Variants in MSRB3 observed in about 807,000 individuals in gnomAD.
The protein encoded by MSRB3 is methionine sulfoxide reductase B3, also known as methionine-R-sulfoxide reductase B3.
A neutral mutation model predicts 21.0 loss-of-function variants in MSRB3; 13 were observed. The ratio of observed to expected loss-of-function variants is 0.62; its 90% CI spans 0.40 to 0.98. The LOEUF (loss-of-function observed/expected upper bound fraction) is 0.98. MSRB3 is among the 50% of genes least tolerant of loss of function. The pLI is 0.00. For synonymous variants in MSRB3, 87 were observed against 88.6 expected, an observed-to-expected ratio of 0.98 and a Z score of 0.10; for missense variants, 199 against 230.3, an observed-to-expected ratio of 0.86 and a Z score of 0.88.
chr12:65,385,934 ATT>A (rs200791195), intron 5 of MSRB3, among the ~76,000 whole-genome samples: 1 of 151,618 alleles, frequency 6.6e-6, no homozygotes, highest in Admixed American at 6.6e-5. Flanking sequence ...TTGACCTTGT[ATT>A]TTTTCTGTAA....
chr12:65,369,346 G>A (rs1878193160), intron 5 of MSRB3, among the ~76,000 whole-genome samples: 1 of 152,132 alleles, frequency 6.6e-6, no homozygotes, highest in African/African-American at 2.4e-5. Context: ...AGCATCCTGA[G>A]TGATTTGAAA....
chr12:65,447,306 G>A (rs2136691384), intron 5 of MSRB3, among the ~76,000 whole-genome samples: 1 of 152,256 alleles, frequency 6.6e-6, no homozygotes, highest in South Asian at 2.1e-4. Flanking sequence ...CCCAAAGACA[G>A]ATGAAGGAAA....
chr12:65,363,693 T>C (rs1877838810), intron 4 of MSRB3, among the ~76,000 whole-genome samples: 1 of 151,784 alleles, frequency 6.6e-6, no homozygotes, highest in South Asian at 2.1e-4. Context: ...TAAAAAAAAA[T>C]AACAGCTTGG....
chr12:65,419,345 C>T (rs1464985735), intron 5 of MSRB3: 1 of 757,862 alleles, frequency 1.3e-6, no homozygotes, highest in South Asian at 1.4e-5. Context: ...ACAATCTGGG[C>T]TTGTAGGCCT....
chr12:65,391,880 A>G (rs1053867528), intron 5 of MSRB3, among the ~76,000 whole-genome samples: 21 of 152,158 alleles, frequency 1.4e-4, no homozygotes, highest in African/African-American at 4.8e-4. Flanking sequence ...AAAATGGGAG[A>G]GTGTCCCAGG....
intron 1 of MSRB3, 140 bp downstream of exon 1, chr12:65,279,005 C>T (rs893209835): frequency 3.3e-4 from 492 of 1,469,586 alleles, no homozygotes; most frequent in Admixed American, 4.8e-4. Flanking sequence ...ACAGCCCCTG[C>T]CTCAGCCGAG....
chr12:65,389,254 C>G (rs1879346221), intron 5 of MSRB3, among the ~76,000 whole-genome samples: 1 of 152,168 alleles, frequency 6.6e-6, no homozygotes, highest in Non-Finnish European at 1.5e-5. Context: ...CTACTGTGCT[C>G]TTTGGAGCTG....
chr12:65,445,379 G>A (rs75880020), intron 5 of MSRB3, among the ~76,000 whole-genome samples: 1 of 149,590 alleles, frequency 6.7e-6, no homozygotes, highest in Non-Finnish European at 1.5e-5. Flanking sequence ...ATGTTACTAG[G>A]CTGCTTAAAA....
chr12:65,361,273 G>C (rs1312781453), intron 4 of MSRB3, among the ~76,000 whole-genome samples: 1 of 151,998 alleles, frequency 6.6e-6, no homozygotes, highest in Admixed American at 6.6e-5. Flanking sequence ...GTTTTTAAAG[G>C]TGAATATGTT....
In MSRB3 at chr12:65,395,838, A is replaced by T. The variant is rs1436115179; in HGVS notation, c.292+26812A>T. ...CTCTTATCCTGTTAATGTCCATGGGATCAATAGTGATGACCTCTTTTTCAT... is the reference window on the plus strand; with the variant it reads ...CTCTTATCCTGTTAATGTCCATGGGTTCAATAGTGATGACCTCTTTTTCAT... On this transcript the variant is annotated intron_variant, in intron 5 of 6. Coordinates refer to ENST00000308259, the MANE Select transcript of MSRB3 (RefSeq NM_001031679.3). Among the ~76,000 whole-genome samples the T allele has an allele frequency of 2.0e-5, 3 of 152,130 alleles. 1 individual carries two copies. Among genetic ancestry groups the T allele is most frequent in the Non-Finnish European group, 4.4e-5 (3 of 68,024 alleles).
chr12:65,439,570 TA>T (rs1240543124), intron 5 of MSRB3, among the ~76,000 whole-genome samples: 1 of 151,668 alleles, frequency 6.6e-6, no homozygotes, highest in African/African-American at 2.4e-5. Context: ...AGAGATTTCG[TA>T]TAGCCCATAT....
chr12:65,365,831 A>T (rs1877978610), intron 4 of MSRB3, among the ~76,000 whole-genome samples: 1 of 152,192 alleles, frequency 6.6e-6, no homozygotes, highest in African/African-American at 2.4e-5. Context: ...CCACCAAAAG[A>T]CTATGAATTT....
chr12:65,288,958 G>A (rs1872538149), intron 1 of MSRB3, among the ~76,000 whole-genome samples: 2 of 152,102 alleles, frequency 1.3e-5, no homozygotes, highest in African/African-American at 2.4e-5. Flanking sequence ...AGAATATATA[G>A]TGTCTATATA....
intron 2 of MSRB3, among the ~76,000 whole-genome samples, chr12:65,324,992 C>T (rs1874921187): frequency 6.9e-6 from 1 of 145,868 alleles, no homozygotes; most frequent in Non-Finnish European, 1.5e-5. Context: ...TAATTTTAAC[C>T]AAGTCATTTT....
intron 5 of MSRB3, among the ~76,000 whole-genome samples, chr12:65,409,466 A>T (rs1023455705): frequency 1.3e-5 from 2 of 152,114 alleles, no homozygotes; most frequent in Admixed American, 1.3e-4. Flanking sequence ...GATACACAAG[A>T]TACACTTATA....
intron 5 of MSRB3, among the ~76,000 whole-genome samples, chr12:65,406,781 G>A (rs933593979): frequency 6.6e-6 from 1 of 152,048 alleles, no homozygotes; most frequent in South Asian, 2.1e-4. Context: ...TAAGAGCTGG[G>A]GTCATTTAGG....
At position 65,416,814 on chromosome 12, in the gene MSRB3, T is replaced by C. The variant is rs185884938; in HGVS notation, c.293-36914T>C. ...ATGTAATCCTTTGTGACACTTATGA[T>C]AGGAATATGTACTGGTGGGGAAACG... On this transcript the variant is annotated intron_variant, in intron 5 of 6. Coordinates refer to ENST00000308259, the MANE Select transcript of MSRB3 (RefSeq NM_001031679.3). 3.3e-5 allele frequency among the ~76,000 whole-genome samples: 5 copies of C among 152,302 alleles called. No individual in the cohort carries two copies. In the East Asian group the frequency reaches 9.6e-4, roughly 29 times the overall value.
At chr12:65,441,077 T>C (rs927944241) in intron 5 of MSRB3, among the ~76,000 whole-genome samples, 4 of 151,964 alleles carry the variant, frequency 2.6e-5, no homozygotes, top group African/African-American at 9.7e-5. Context: ...GTGGACACAT[T>C]AAATATGACT....
chr12:65,365,021 C>T (rs1176470655), intron 4 of MSRB3, among the ~76,000 whole-genome samples: 1 of 151,470 alleles, frequency 6.6e-6, no homozygotes, highest in Non-Finnish European at 1.5e-5. Context: ...ATGTATTGAT[C>T]AGCTATCCCT....
Sources: allele counts gnomAD v4.1 joint callset (sites outside exome capture counted in the v4.1 genomes callset), GRCh38; gene constraint gnomAD v4.1.1; transcripts MANE v1.5; gene names NCBI Gene and HGNC (gene_info 2026-07-23, HGNC 2026-07-21).